DPP6: variants seen among roughly 807,000 people sequenced by gnomAD.
The protein encoded by DPP6 is dipeptidyl peptidase like 6, also known as A-type potassium channel modulatory protein DPP6.
Under a neutral mutation model 122.6 loss-of-function variants are expected in DPP6, and 69 were observed. The ratio of observed to expected loss-of-function variants is 0.56; its 90% CI spans 0.46 to 0.69. DPP6 has a LOEUF of 0.69. Ranked by LOEUF, DPP6 falls within the 30% of genes least tolerant of loss-of-function variation. DPP6 has a pLI of 0.00. For synonymous variants in DPP6, 418 were observed against 433.1 expected (o/e 0.97, Z 0.43); for missense variants, 928 against 1,116.9 (o/e 0.83, Z 2.41).
intron 3 of DPP6, among the ~76,000 whole-genome samples, chr7:154,528,758 T>A (rs1014705408): frequency 2.6e-5 from 4 of 152,162 alleles, no homozygotes; most frequent in Admixed American, 2.6e-4. Context: ...CAGAGAGAGA[T>A]TAATTCTGCC....
chr7:154,115,623 A>G (rs1806928699), intron 1 of DPP6, among the ~76,000 whole-genome samples: 1 of 152,148 alleles, frequency 6.6e-6, no homozygotes, highest in Non-Finnish European at 1.5e-5. Context: ...AAATCCTGCC[A>G]TTGCTACTGA....
At chr7:154,018,067 C>G (rs1585183002) in intron 1 of DPP6, among the ~76,000 whole-genome samples, 1 of 152,124 alleles carries the variant, frequency 6.6e-6, no homozygotes, top group Non-Finnish European at 1.5e-5. Flanking sequence ...CCCATGGAAC[C>G]AGCTGGGCAC....
At chr7:154,800,323 A>C (rs1193144269) in intron 12 of DPP6, among the ~76,000 whole-genome samples, 1 of 152,186 alleles carries the variant, frequency 6.6e-6, no homozygotes, top group Non-Finnish European at 1.5e-5. Context: ...CACTGTAGGG[A>C]AATGAGTTTT....
At chr7:153,759,909 G>C in the DPP6 span, among the ~76,000 whole-genome samples, 4 of 129,624 alleles carry the variant, frequency 3.1e-5, no homozygotes, top group Admixed American at 2.8e-4. Flanking sequence ...CTCTCTCTCT[G>C]TTTCTGTCTC....
intron 1 of DPP6, among the ~76,000 whole-genome samples, chr7:154,062,792 T>C (rs1802194401): frequency 9.2e-6 from 1 of 108,226 alleles, no homozygotes; most frequent in Admixed American, 9.4e-5. Context: ...CCACTGGCTC[T>C]TAGGACCCCC....
At chr7:154,549,508 C>T (rs956231013) in intron 4 of DPP6, among the ~76,000 whole-genome samples, 2 of 152,148 alleles carry the variant, frequency 1.3e-5, no homozygotes, top group Non-Finnish European at 2.9e-5. Flanking sequence ...TACTTAGCGA[C>T]AAGATGACAC....
Position 154,591,495 on chromosome 7 carries a change from T to C in DPP6, c.627+24579T>C, listed in dbSNP as rs117967130. Among the ~76,000 whole-genome samples, 725 of 152,288 alleles carry C rather than the reference T, an allele frequency of 4.8e-3. 1 individual carries two copies. The highest frequency in any genetic ancestry group is 7.8e-3 in the Non-Finnish European group (528 of 68,022). ...ATAATTATGGTAGTGATAATGATCATGATCCCAGGAGGACTTACTGTCATT... is the reference window on the plus strand; with the variant it reads ...ATAATTATGGTAGTGATAATGATCACGATCCCAGGAGGACTTACTGTCATT... On this transcript the variant is annotated intron_variant, in intron 5 of 25. Transcript: ENST00000377770.
In DPP6 at chr7:154,463,356, C is replaced by T. The variant is rs538595835; in HGVS notation, c.359-11583C>T. 3.0e-3 allele frequency among the ~76,000 whole-genome samples: 455 copies of T among 151,790 alleles called. 1 individual carries two copies. Among genetic ancestry groups the T allele is most frequent in the African/African-American group, 0.011 (435 of 41,390 alleles). On this transcript the variant is annotated intron_variant, in intron 2 of 25. Coordinates refer to ENST00000377770, the MANE Select transcript of DPP6 (RefSeq NM_130797.4). ...CCGTGTAGCTGGGACTACAGGCGCG[C>T]GCCACCACGCCCGGCTAATTTTTTG... is the stretch of plus-strand genomic sequence containing the variant.
chr7:154,662,578 G>A (rs1414196332), intron 6 of DPP6, among the ~76,000 whole-genome samples: 1 of 100,796 alleles, frequency 9.9e-6, no homozygotes, highest in Non-Finnish European at 2.0e-5. Context: ...TATAGTCATG[G>A]TGAATCACCA....
At chr7:154,195,721 C>T (rs973921809) in intron 1 of DPP6, among the ~76,000 whole-genome samples, 2 of 152,150 alleles carry the variant, frequency 1.3e-5, no homozygotes, top group Non-Finnish European at 1.5e-5. Context: ...ATTCATTGTC[C>T]ACGTTGGTGT....
At chr7:154,667,218 G>A (rs1055334031) in intron 6 of DPP6, among the ~76,000 whole-genome samples, 1 of 151,450 alleles carries the variant, frequency 6.6e-6, no homozygotes, top group Non-Finnish European at 1.5e-5. Flanking sequence ...TGTATGTTAG[G>A]GATATTAGCC....
At chr7:154,654,788 G>A (rs1343074339) in intron 6 of DPP6, among the ~76,000 whole-genome samples, 1 of 151,996 alleles carries the variant, frequency 6.6e-6, no homozygotes, top group Non-Finnish European at 1.5e-5. Context: ...AATTACTAAT[G>A]GAATATGTGC....
At chr7:154,794,588 C>A (rs2150431069) in intron 11 of DPP6, among the ~76,000 whole-genome samples, 1 of 152,350 alleles carries the variant, frequency 6.6e-6, no homozygotes, top group South Asian at 2.1e-4. Context: ...CCGCCGACAG[C>A]CTCCCCCAGC....
chr7:154,046,715 C>A (rs1227042132), intron 1 of DPP6, among the ~76,000 whole-genome samples: 1 of 152,158 alleles, frequency 6.6e-6, no homozygotes, highest in Non-Finnish European at 1.5e-5. Flanking sequence ...CTGGAATCTG[C>A]AGTACTTGGA....
intron 3 of DPP6, among the ~76,000 whole-genome samples, chr7:154,515,783 A>G (rs947048865): frequency 2.0e-5 from 3 of 152,126 alleles, no homozygotes; most frequent in African/African-American, 4.8e-5. Flanking sequence ...CTGTTTCTTT[A>G]TGAGTAAAAT....
intron 5 of DPP6, among the ~76,000 whole-genome samples, chr7:154,620,547 T>A (rs1042089875): frequency 1.3e-5 from 2 of 152,202 alleles, no homozygotes; most frequent in African/African-American, 4.8e-5. Flanking sequence ...GGCTCAGAAA[T>A]GATCTTAATG....
chr7:154,837,180 GATGC>G (rs1241599030), intron 16 of DPP6, among the ~76,000 whole-genome samples: 4 of 147,456 alleles, frequency 2.7e-5, no homozygotes, highest in East Asian at 2.0e-4. Flanking sequence ...TGCATACACA[GATGC>G]ATGCATGCAT....
At chr7:153,778,435 AACAATGACACCCC>A in the DPP6 span, among the ~76,000 whole-genome samples, 7 of 151,998 alleles carry the variant, frequency 4.6e-5, no homozygotes, top group Admixed American at 1.3e-4. Context: ...AGGGCTTAGA[AACAATGACACCCC>A]ACAACAATGA....
chr7:153,873,873 C>CA, the DPP6 span, among the ~76,000 whole-genome samples: 1 of 152,152 alleles, frequency 6.6e-6, no homozygotes, highest in Non-Finnish European at 1.5e-5. Flanking sequence ...CTCATTTGCA[C>CA]AAGGCAGCTG....
Sources: gnomAD v4.1 joint callset for allele counts (sites outside exome capture counted in the v4.1 genomes callset) on GRCh38, gnomAD v4.1.1 for gene constraint, MANE v1.5 for transcripts, NCBI Gene and HGNC (gene_info 2026-07-23, HGNC 2026-07-21) for gene names.